TMEM131: variants seen among roughly 807,000 people sequenced by gnomAD.
TMEM131 encodes the protein transmembrane protein 131.
Under a neutral mutation model 211.6 loss-of-function variants are expected in TMEM131, and 66 were observed. The ratio of observed to expected loss-of-function variants is 0.31; its 90% confidence interval spans 0.26 to 0.38. The LOEUF is 0.38. Among genes scored for constraint, TMEM131 ranks in the 10% least tolerant of loss-of-function variants. The probability of loss-of-function intolerance (pLI) is 1.00; values close to 1 mark genes in which losing one functional copy is unlikely to be tolerated. For synonymous variants in TMEM131, 844 were observed against 841.3 expected (o/e 1.00, Z -0.06); for missense variants, 2,036 against 2,299.3 (o/e 0.89, Z 2.34).
chr2:97,951,127 C>T (rs1392163548), intron 1 of TMEM131, among the ~76,000 whole-genome samples: 1 of 151,618 alleles, frequency 6.6e-6, no homozygotes, highest in South Asian at 2.1e-4. Flanking sequence ...CACAACCAGA[C>T]ATATTGTAAC....
chr2:97,870,423 C>T (rs1234347913), intron 4 of TMEM131, among the ~76,000 whole-genome samples: 4 of 152,024 alleles, frequency 2.6e-5, no homozygotes, highest in Non-Finnish European at 5.9e-5. Flanking sequence ...GTTTCCATTA[C>T]TGGCTGTCCA....
chr2:97,760,226 C>A, intron 38 of TMEM131: 1 of 293,166 alleles, frequency 3.4e-6, no homozygotes, highest in Non-Finnish European at 6.5e-6. Flanking sequence ...TATAAATTGG[C>A]TAGTATTTGC....
chr2:97,785,742 A>G (rs961688828), intron 31 of TMEM131, among the ~76,000 whole-genome samples: 1 of 152,246 alleles, frequency 6.6e-6, no homozygotes, highest in East Asian at 1.9e-4. Flanking sequence ...TTTATACATA[A>G]CAGCCCCAAA....
At chr2:97,807,793 G>C (rs980437604) in intron 19 of TMEM131, among the ~76,000 whole-genome samples, 2 of 151,684 alleles carry the variant, frequency 1.3e-5, no homozygotes, top group African/African-American at 4.9e-5. Flanking sequence ...GATTGAGAAG[G>C]TAATGGAAGG....
intron 11 of TMEM131, among the ~76,000 whole-genome samples, chr2:97,830,496 A>C (rs908347346): frequency 6.6e-6 from 1 of 152,228 alleles, no homozygotes; most frequent in Non-Finnish European, 1.5e-5. Flanking sequence ...GAACATTCTA[A>C]AACTGCTTAT....
intron 1 of TMEM131, among the ~76,000 whole-genome samples, chr2:97,993,537 G>C (rs1680351131): frequency 6.6e-6 from 1 of 152,208 alleles, no homozygotes; most frequent in Admixed American, 6.5e-5. Flanking sequence ...TGTTTATGAT[G>C]GGTAGAGGCC....
chr2:97,943,100 A>AGAAAGAAAG (rs1491111163), intron 1 of TMEM131, among the ~76,000 whole-genome samples: 1 of 149,682 alleles, frequency 6.7e-6, no homozygotes, highest in South Asian at 2.1e-4. Context: ...AAAGAAAGAA[A>AGAAAGAAAG]GAGCTGGGTG....
chr2:97,949,646 T>C (rs1178874233), intron 1 of TMEM131, among the ~76,000 whole-genome samples: 1 of 150,920 alleles, frequency 6.6e-6, no homozygotes, highest in Non-Finnish European at 1.5e-5. Flanking sequence ...ACCTCGTCTC[T>C]ACTGAAAAAA....
chr2:97,782,840 A>G (rs1301616280), intron 31 of TMEM131, among the ~76,000 whole-genome samples: 1 of 152,134 alleles, frequency 6.6e-6, no homozygotes, highest in Non-Finnish European at 1.5e-5. Context: ...TAATTATAAC[A>G]AAAGATCTGA....
chr2:97,774,877 G>A (rs1038174996), intron 32 of TMEM131, among the ~76,000 whole-genome samples: 6 of 152,220 alleles, frequency 3.9e-5, no homozygotes, highest in African/African-American at 1.2e-4. Flanking sequence ...TGGGCTAGGG[G>A]TAGATGGAGG....
chr2:97,811,102 GC>G, intron 18 of TMEM131, 25 bp downstream of exon 18: 1 of 1,506,116 alleles, frequency 6.6e-7, no homozygotes, highest in East Asian at 2.3e-5. Flanking sequence ...AAACCCCACT[GC>G]CATGAATCCC....
intron 11 of TMEM131, among the ~76,000 whole-genome samples, chr2:97,819,859 T>C (rs1385475992): frequency 2.6e-5 from 4 of 152,194 alleles, no homozygotes; most frequent in Non-Finnish European, 4.4e-5. Flanking sequence ...TGCCTGCTCT[T>C]TTCCGCCCGT....
At chr2:97,808,023 A>T (rs1559372223) in intron 19 of TMEM131, among the ~76,000 whole-genome samples, 1 of 150,186 alleles carries the variant, frequency 6.7e-6, no homozygotes, top group Non-Finnish European at 1.5e-5. Flanking sequence ...AGTGTTTTAG[A>T]TTTTTTTTTT....
chr2:97,958,830 A>C (rs1678685853), intron 1 of TMEM131, among the ~76,000 whole-genome samples: 1 of 152,268 alleles, frequency 6.6e-6, no homozygotes, highest in Admixed American at 6.5e-5. Flanking sequence ...TGAAGCTCTC[A>C]GCTTTCAAAA....
intron 5 of TMEM131, among the ~76,000 whole-genome samples, chr2:97,846,285 C>T (rs559653685): frequency 5.3e-5 from 8 of 152,276 alleles, no homozygotes; most frequent in African/African-American, 1.9e-4. Flanking sequence ...CATAGAAACA[C>T]AACTTTCCAC....
chr2:97,796,868 C>T lies in TMEM131; in HGVS notation c.2989G>A (p.Ala997Thr), dbSNP rs1249304759. The T allele has an allele frequency of 2.5e-6, 4 of 1,613,750 alleles. No individual in the cohort carries two copies. The highest frequency in any genetic ancestry group is 2.2e-5 in the East Asian group (1 of 44,892). The stretch of plus-strand genomic sequence containing the variant: ...CTATCTGTACAATCTTTTAACAATG[C>T]TTCCGTGATTTTAAAGCGTAAGGAG... ...GSSLRFKITEALLKDCTDSLK... is the reference protein window; with the variant it reads ...GSSLRFKITETLLKDCTDSLK... Residue 997 changes from alanine to threonine, a missense_variant, in exon 27 of 41, where the codon GCA becomes ACA. By Grantham distance (58) the Ala-to-Thr change is moderately conservative (BLOSUM62 0). Transcript: ENST00000186436.
chr2:97,780,046 AAAAC>A (rs747341340), intron 31 of TMEM131, among the ~76,000 whole-genome samples: 34 of 151,982 alleles, frequency 2.2e-4, no homozygotes, highest in Middle Eastern at 3.4e-3. Context: ...AAACAAACAA[AAAAC>A]AAACAAACAA....
At position 97,844,184 on chromosome 2, in the gene TMEM131, T is replaced by G; in HGVS notation, c.561A>C (p.Leu187Phe). Residue 187 changes from leucine to phenylalanine, a missense_variant, in exon 6 of 41, where the codon TTA becomes TTC. By Grantham distance (22) the Leu-to-Phe change is conservative. Transcript: ENST00000186436. ...CCCCATGATTAGATGTATTAATAAA[T>G]AAAGTATTTTCTACATTTCCTACTA... is the stretch of plus-strand genomic sequence containing the variant. ...ARVVGNVENT[L>F]FINTSNHGVF... The G allele has an allele frequency of 2.3e-6, 3 of 1,290,606 alleles. No individual in the cohort carries two copies. Among genetic ancestry groups the G allele is most frequent in the Non-Finnish European group, 3.1e-6 (3 of 969,834 alleles). 79.9% of individuals were successfully genotyped at this position (1,290,606 alleles called of 1,614,324 possible). A position where few individuals can be genotyped will look rare whatever the true frequency, so the allele number is the denominator to read the frequency against.
At chr2:97,977,609 G>A (rs368163002) in intron 1 of TMEM131, among the ~76,000 whole-genome samples, 7 of 152,266 alleles carry the variant, frequency 4.6e-5, no homozygotes, top group South Asian at 2.1e-4. Context: ...TATTAAGAGC[G>A]CAATAGCATT....
Sources: gnomAD v4.1 joint callset for allele counts (sites outside exome capture counted in the v4.1 genomes callset) on GRCh38, gnomAD v4.1.1 for gene constraint, MANE v1.5 for transcripts, NCBI Gene and HGNC (gene_info 2026-07-23, HGNC 2026-07-21) for gene names.